LMCD1: variants seen among roughly 807,000 people sequenced by gnomAD.
LMCD1 encodes LIM and cysteine rich domains 1.
LMCD1 carries 32 observed loss-of-function variants against 42.7 expected under a neutral mutation model. The observed-to-expected ratio is 0.75, with a 90% confidence interval of 0.57 to 1.01. LMCD1 has a LOEUF of 1.01. Among genes scored for constraint, LMCD1 ranks in the 50% least tolerant of loss-of-function variants. LMCD1 has a pLI of 0.00. For synonymous variants in LMCD1, 178 were observed against 184.9 expected (o/e 0.96, Z 0.30); for missense variants, 458 against 483.1 (o/e 0.95, Z 0.49).
Position 8,567,560 on chromosome 3 carries a change from C to T in LMCD1, c.1060C>T (p.Leu354Phe). ...GRAYIVTKGQ[L>F]LCPTCSKSKR... ...GGCGTACATCGTCACCAAGGGTCAG[C>T]TTCTGTGCCCAACTTGCAGCAAGTC... The change falls in exon 6 of 6, where the codon CTT becomes TTT. Residue 354 changes from leucine to phenylalanine, a missense_variant. Leu to Phe is a conservative substitution (Grantham distance 22). Transcript: ENST00000157600. 1 of 1,613,828 alleles carries T rather than the reference C, an allele frequency of 6.2e-7. No individual in the cohort carries two copies. Among genetic ancestry groups the T allele is most frequent in the Non-Finnish European group, 8.5e-7 (1 of 1,179,944 alleles).
Position 8,572,827 on chromosome 3 carries a change from C to T in LMCD1, c.*5229C>T, listed in dbSNP as rs1695240085. Reference sequence around the variant, plus strand: ...TCTGGCACAATAACGTGCTACATACCCATCTTGTATTTTTCCTGCCCCATC... The same window carrying T: ...TCTGGCACAATAACGTGCTACATACTCATCTTGTATTTTTCCTGCCCCATC... On this transcript the variant is annotated 3_prime_UTR_variant, in exon 6 of 6. Coordinates refer to ENST00000157600, the MANE Select transcript of LMCD1 (RefSeq NM_014583.4). 1 of 152,170 alleles carries T rather than the reference C, an allele frequency of 6.6e-6. No homozygotes were observed. Among genetic ancestry groups the T allele is most frequent in the South Asian group, 2.1e-4 (1 of 4,826 alleles). The allele number at this position is 152,170 out of a possible 1,614,324, so 9.4% of individuals were successfully genotyped here.
At chr3:8,522,460 G>A (rs1694224701) in intron 1 of LMCD1, among the ~76,000 whole-genome samples, 1 of 152,184 alleles carries the variant, frequency 6.6e-6, no homozygotes, top group African/African-American at 2.4e-5. Context: ...CAAGGAGCCT[G>A]AACACGGTGA....
intron 1 of LMCD1, among the ~76,000 whole-genome samples, chr3:8,503,276 A>G (rs1177440247): frequency 6.6e-6 from 1 of 152,192 alleles, no homozygotes; most frequent in Non-Finnish European, 1.5e-5. Flanking sequence ...CACAGCATGC[A>G]CTGTCTAATT....
chr3:8,511,723 T>C (rs372647361), intron 1 of LMCD1, among the ~76,000 whole-genome samples: 3 of 152,348 alleles, frequency 2.0e-5, no homozygotes, highest in Admixed American at 6.5e-5. Flanking sequence ...AGAAATACAT[T>C]CCACTGTATT....
intron 1 of LMCD1, among the ~76,000 whole-genome samples, chr3:8,509,490 A>T (rs1472144216): frequency 6.6e-6 from 1 of 152,204 alleles, no homozygotes; most frequent in South Asian, 2.1e-4. Context: ...TTATATAGCA[A>T]ATATTTATTT....
intron 3 of LMCD1, among the ~76,000 whole-genome samples, chr3:8,544,738 T>G (rs557521607): frequency 2.0e-5 from 3 of 152,266 alleles, no homozygotes; most frequent in Non-Finnish European, 4.4e-5. Flanking sequence ...AGTTCCCAAA[T>G]GAGTCCAGCC....
At chr3:8,555,675 C>T (rs1355398206) in intron 4 of LMCD1, among the ~76,000 whole-genome samples, 1 of 143,412 alleles carries the variant, frequency 7.0e-6, no homozygotes, top group African/African-American at 2.6e-5. Context: ...TTATACTATA[C>T]TATAAATACT....
chr3:8,502,206 G>A (rs77081317), intron 1 of LMCD1, among the ~76,000 whole-genome samples: 5 of 130,498 alleles, frequency 3.8e-5, no homozygotes, highest in African/African-American at 1.5e-4. Flanking sequence ...CTTTGGTGAT[G>A]CTAGTTAAAG....
chr3:8,524,285 G>T (rs1387466559), intron 1 of LMCD1, among the ~76,000 whole-genome samples: 1 of 152,022 alleles, frequency 6.6e-6, no homozygotes, highest in Non-Finnish European at 1.5e-5. Flanking sequence ...CCCTCATCTG[G>T]TGGGAATCCT....
intron 4 of LMCD1, among the ~76,000 whole-genome samples, chr3:8,558,039 AGG>A (rs1559357189): frequency 6.6e-6 from 1 of 152,192 alleles, no homozygotes; most frequent in African/African-American, 2.4e-5. Context: ...CTGTCAGCTG[AGG>A]GCTCCCAAGG....
In LMCD1 at chr3:8,537,372, A is replaced by G; in HGVS notation, c.319A>G (p.Thr107Ala). 2 of 1,612,280 alleles carry G rather than the reference A, an allele frequency of 1.2e-6. No individual in the cohort carries two copies. The highest frequency in any genetic ancestry group is 1.1e-5 in the South Asian group (1 of 91,010). ...NRMIMTNPIA[T>A]GKDPTFDTIT... ...GATGATCATGACCAACCCTATTGCT[A>G]CTGGGAAAGATCCCACTTTTGACAC... The change falls in exon 3 of 6, where the codon ACT (threonine) becomes GCT (alanine). Residue 107 changes from threonine to alanine, a missense_variant. Transcript: ENST00000157600.
At chr3:8,560,930 T>C (rs1695023474) in intron 4 of LMCD1, among the ~76,000 whole-genome samples, 1 of 152,214 alleles carries the variant, frequency 6.6e-6, no homozygotes, top group Admixed American at 6.5e-5. Flanking sequence ...AACACATTCC[T>C]TATATAGGCA....
At chr3:8,502,048 C>A in intron 1 of LMCD1, 68 bp downstream of exon 1, 1 of 1,445,838 alleles carries the variant, frequency 6.9e-7, no homozygotes, top group Non-Finnish European at 9.5e-7. Flanking sequence ...CATCTGTTCG[C>A]GGAAACTTCC....
intron 2 of LMCD1, among the ~76,000 whole-genome samples, chr3:8,533,237 G>A (rs1694447152): frequency 6.6e-6 from 1 of 152,118 alleles, no homozygotes; most frequent in African/African-American, 2.4e-5. Context: ...TGGCCCCTGG[G>A]ACAGAAAGAG....
In LMCD1 at chr3:8,548,669, C is replaced by G. The variant is rs748657580; in HGVS notation, c.489C>G (p.Ile163Met). 1.9e-6 allele frequency: 3 copies of G among 1,614,220 alleles called. No individual in the cohort carries two copies. The highest frequency in any genetic ancestry group is 2.5e-6 in the Non-Finnish European group (3 of 1,180,044). ...RRRQLMHQLP[I>M]YDQDPSRCRG... ...GCCAGCTCATGCACCAGCTCCCCAT[C>G]TATGACCAGGATCCCTCGCGCTGCC... Residue 163 changes from isoleucine to methionine, a missense_variant, in exon 4 of 6, where the codon ATC (isoleucine) becomes ATG (methionine). Coordinates refer to ENST00000157600, the MANE Select transcript of LMCD1 (RefSeq NM_014583.4).
At chr3:8,531,655 T>C (rs1694413454) in intron 1 of LMCD1, among the ~76,000 whole-genome samples, 1 of 152,202 alleles carries the variant, frequency 6.6e-6, no homozygotes, top group Non-Finnish European at 1.5e-5. Context: ...TACCTCAGAC[T>C]TGCCCCTTAC....
intron 1 of LMCD1, among the ~76,000 whole-genome samples, chr3:8,531,824 A>G (rs1439936863): frequency 1.3e-5 from 2 of 152,188 alleles, no homozygotes; most frequent in African/African-American, 4.8e-5. Flanking sequence ...ATCCCTTTAC[A>G]TTACTAGTTG....
chr3:8,566,823 A>T (rs1445562363), intron 5 of LMCD1, among the ~76,000 whole-genome samples: 2 of 152,194 alleles, frequency 1.3e-5, no homozygotes, highest in Admixed American at 1.3e-4. Context: ...ACCTTGTGGG[A>T]TGGAAAGTAT....
intron 1 of LMCD1, among the ~76,000 whole-genome samples, chr3:8,506,768 A>C (rs1470450596): frequency 1.3e-5 from 2 of 152,186 alleles, no homozygotes; most frequent in Non-Finnish European, 2.9e-5. Context: ...GAGTCATTAT[A>C]ATAACTGCAG....
Sources: allele counts gnomAD v4.1 joint callset (sites outside exome capture counted in the v4.1 genomes callset), GRCh38; gene constraint gnomAD v4.1.1; transcripts MANE v1.5; gene names NCBI Gene and HGNC (gene_info 2026-07-23, HGNC 2026-07-21).